DRICH1: variants seen among roughly 807,000 people sequenced by gnomAD.
DRICH1 encodes aspartate-rich protein 1.
DRICH1 carries 38 observed loss-of-function variants against 39.5 expected under a neutral mutation model. That is an observed-to-expected ratio of 0.96 (90% confidence interval 0.74 to 1.26). The LOEUF (loss-of-function observed/expected upper bound fraction) is 1.26, where lower values mean the gene tolerates loss of function less well. Ranked by LOEUF, DRICH1 falls within the 50% of genes most tolerant of loss-of-function variation. DRICH1 has a pLI of 0.00. For synonymous variants in DRICH1, 84 were observed against 99.5 expected, an observed-to-expected ratio of 0.84 and a Z score of 0.93; for missense variants, 279 against 270.4, an observed-to-expected ratio of 1.03 and a Z score of -0.22.
At chr22:23,594,565 T>G in the DRICH1 span, among the ~76,000 whole-genome samples, 4 of 152,134 alleles carry the variant, frequency 2.6e-5, no homozygotes, top group Admixed American at 6.5e-5. Flanking sequence ...CTGGCTAATT[T>G]TTTGTATTTT....
chr22:23,598,676 G>A, the DRICH1 span, among the ~76,000 whole-genome samples: 1 of 152,172 alleles, frequency 6.6e-6, no homozygotes, highest in African/African-American at 2.4e-5. Context: ...GCCCTGACTC[G>A]GCCTTACTCT....
At chr22:23,591,381 G>A in the DRICH1 span, among the ~76,000 whole-genome samples, 1 of 152,184 alleles carries the variant, frequency 6.6e-6, no homozygotes, top group African/African-American at 2.4e-5. Flanking sequence ...TCCAGGCCCT[G>A]TTCTTGCTGG....
chr22:23,620,261 C>G (rs1288017636), intron 5 of DRICH1, among the ~76,000 whole-genome samples: 1 of 152,128 alleles, frequency 6.6e-6, no homozygotes, highest in Non-Finnish European at 1.5e-5. Flanking sequence ...GATCCCACCT[C>G]AAGTCTTGTT....
intron 7 of DRICH1, 124 bp downstream of exon 7, chr22:23,617,451 T>G: frequency 8.9e-7 from 1 of 1,125,664 alleles, no homozygotes; most frequent in Non-Finnish European, 1.3e-6. Context: ...CCCCCTCTCC[T>G]GGGAAATCTC....
chr22:23,592,396 G>C, the DRICH1 span, among the ~76,000 whole-genome samples: 8 of 152,172 alleles, frequency 5.3e-5, no homozygotes, highest in African/African-American at 1.4e-4. Flanking sequence ...CAAGACTGGG[G>C]GGGGGCGGTC....
At chr22:23,625,706 A>C (rs9624234) in intron 2 of DRICH1, among the ~76,000 whole-genome samples, 19,987 of 152,096 alleles carry the variant, frequency 0.13, 1,559 homozygotes, top group Middle Eastern at 0.2. Context: ...TAAAGCCCCT[A>C]CCCAACAATC....
chr22:23,625,557 TC>T lies in DRICH1; in HGVS notation c.276+423del, dbSNP rs1928009707. 2.0e-5 allele frequency among the ~76,000 whole-genome samples: 3 copies of T among 152,238 alleles called. No homozygotes were observed. The South Asian group carries it at 6.2e-4, about 32-fold the overall frequency. On this transcript the variant is annotated intron_variant, in intron 2 of 11. Coordinates refer to ENST00000317749, the MANE Select transcript of DRICH1 (RefSeq NM_016449.4). ...AAAGTTTACTAGCCTGCAAAATAGCTCGCTTTGTCTGTTCTTATCAGCCTGC... is the reference window on the plus strand; with the variant it reads ...AAAGTTTACTAGCCTGCAAAATAGCTGCTTTGTCTGTTCTTATCAGCCTGC...
intron 1 of DRICH1, among the ~76,000 whole-genome samples, chr22:23,628,673 A>G (rs1045774198): frequency 1.3e-5 from 2 of 152,208 alleles, no homozygotes; most frequent in African/African-American, 4.8e-5. Context: ...GGTGAAAAAG[A>G]AAAAGTCATC....
At chr22:23,583,592 T>C in the DRICH1 span, 98,265 of 152,276 alleles carry the variant, frequency 0.65, 32,169 homozygotes, top group African/African-American at 0.74. Flanking sequence ...CAGTGTCCCA[T>C]GAACACTGAG....
chr22:23,621,609 CT>C (rs1196383755), intron 4 of DRICH1, among the ~76,000 whole-genome samples: 1 of 152,036 alleles, frequency 6.6e-6, no homozygotes, highest in African/African-American at 2.4e-5. Context: ...TCTTGCAAGA[CT>C]GTCATTAAAA....
downstream of DRICH1, among the ~76,000 whole-genome samples, chr22:23,605,063 T>C (rs1337299531): frequency 6.6e-6 from 1 of 152,236 alleles, no homozygotes; most frequent in Non-Finnish European, 1.5e-5. Flanking sequence ...CTCTGGCCTC[T>C]ATCTCTATTT....
the DRICH1 span, chr22:23,583,553 T>G: frequency 2.6e-5 from 4 of 152,216 alleles, no homozygotes; most frequent in Non-Finnish European, 5.9e-5. Flanking sequence ...CATAGTGAGC[T>G]CAGGCTCCAT....
intron 8 of DRICH1, among the ~76,000 whole-genome samples, 185 bp downstream of exon 8, chr22:23,616,668 C>T (rs12485098): frequency 0.23 from 35,461 of 152,082 alleles, 5,236 homozygotes; most frequent in Admixed American, 0.4. Context: ...CACACAAAAT[C>T]TCCTGGTTGG....
At chr22:23,585,856 G>A in the DRICH1 span, among the ~76,000 whole-genome samples, 1 of 152,184 alleles carries the variant, frequency 6.6e-6, no homozygotes, top group African/African-American at 2.4e-5. Flanking sequence ...TTAACTGTAT[G>A]TATTTAGGGT....
chr22:23,612,249 T>TGAG (rs1207137269), intron 11 of DRICH1, among the ~76,000 whole-genome samples: 5 of 152,030 alleles, frequency 3.3e-5, no homozygotes, highest in Non-Finnish European at 5.9e-5. Context: ...GCAGATCGCC[T>TGAG]GAGCTGAGGA....
rs191453576 is a variant in DRICH1 at position 23,620,148 on chromosome 22, G to T, written c.406+446C>A. 3.9e-5 allele frequency among the ~76,000 whole-genome samples: 6 copies of T among 152,198 alleles called. No homozygotes were observed. The South Asian group carries it at 6.2e-4, about 16-fold the overall frequency. ...TCATGATGACATTAAACTCTGAAAA[G>T]AACTCGGCTTATATTTACTTTTTCT... On this transcript the variant is annotated intron_variant, in intron 5 of 11. Transcript: ENST00000317749.
chr22:23,628,013 AG>A (rs994414866), intron 1 of DRICH1, among the ~76,000 whole-genome samples: 1 of 152,122 alleles, frequency 6.6e-6, no homozygotes, highest in Non-Finnish European at 1.5e-5. Flanking sequence ...ACCCATAGCC[AG>A]GGCCCCTCTA....
At chr22:23,623,145 C>T (rs1311743770) in intron 3 of DRICH1, among the ~76,000 whole-genome samples, 6 of 152,122 alleles carry the variant, frequency 3.9e-5, no homozygotes, top group African/African-American at 1.4e-4. Context: ...TGGCTCATGC[C>T]TATAATCCCA....
the DRICH1 span, among the ~76,000 whole-genome samples, chr22:23,593,094 A>G: frequency 6.6e-6 from 1 of 152,154 alleles, no homozygotes; most frequent in African/African-American, 2.4e-5. Flanking sequence ...TTGCTAGACA[A>G]AGACCTTAAA....
Sources: allele counts gnomAD v4.1 joint callset (sites outside exome capture counted in the v4.1 genomes callset), GRCh38; gene constraint gnomAD v4.1.1; transcripts MANE v1.5; gene names NCBI Gene and HGNC (gene_info 2026-07-23, HGNC 2026-07-21).